CDIN1: variants seen among roughly 807,000 people sequenced by gnomAD.
CDIN1 encodes the protein CDAN1 interacting nuclease 1.
CDIN1 carries 33 observed loss-of-function variants against 45.3 expected under a neutral mutation model. The ratio of observed to expected loss-of-function variants is 0.73; its 90% CI spans 0.55 to 0.97. The LOEUF is 0.97. Among genes scored for constraint, CDIN1 ranks in the 50% least tolerant of loss-of-function variants. The pLI, the probability that CDIN1 is intolerant of heterozygous loss-of-function variation, is 0.00. For missense variants in CDIN1, 303 were observed against 339.4 expected, an observed-to-expected ratio of 0.89 and a Z score of 0.84; for synonymous variants, 118 against 124.4, an observed-to-expected ratio of 0.95 and a Z score of 0.34.
At chr15:36,667,734 T>A (rs747113834) in intron 5 of CDIN1, among the ~76,000 whole-genome samples, 2 of 152,180 alleles carry the variant, frequency 1.3e-5, no homozygotes, top group Non-Finnish European at 2.9e-5. Context: ...CTTTTGTGCT[T>A]CACCTTATAG....
At chr15:36,589,775 A>G (rs547610557) in intron 1 of CDIN1, among the ~76,000 whole-genome samples, 8 of 152,334 alleles carry the variant, frequency 5.3e-5, no homozygotes, top group African/African-American at 1.9e-4. Flanking sequence ...AAGTGCTGGG[A>G]TTACAGGCGT....
chr15:36,710,058 C>T (rs1012166141), intron 10 of CDIN1, 97 bp downstream of exon 10: 55 of 803,016 alleles, frequency 6.8e-5, no homozygotes, highest in Non-Finnish European at 9.8e-5. Flanking sequence ...TGCTAGTAGC[C>T]GTTGTTTCTA....
At chr15:36,700,934 G>T (rs922016719) in intron 8 of CDIN1, among the ~76,000 whole-genome samples, 1 of 151,872 alleles carries the variant, frequency 6.6e-6, no homozygotes, top group African/African-American at 2.4e-5. Flanking sequence ...AAATTTTGTG[G>T]TGGTAGGCAC....
chr15:36,797,743 G>A (rs1282647099), intron 10 of CDIN1, among the ~76,000 whole-genome samples: 3 of 152,202 alleles, frequency 2.0e-5, no homozygotes, highest in Admixed American at 6.5e-5. Context: ...ACTTTGGGGG[G>A]CCGAGGCGGG....
At chr15:36,774,163 T>TGCGC (rs1555407088) in intron 10 of CDIN1, among the ~76,000 whole-genome samples, 113 of 143,050 alleles carry the variant, frequency 7.9e-4, no homozygotes, top group South Asian at 1.8e-3. Context: ...TGTGTGTGTG[T>TGCGC]GCGCGCGCGC....
At chr15:36,728,820 C>T (rs1285100494) in intron 10 of CDIN1, among the ~76,000 whole-genome samples, 4 of 151,880 alleles carry the variant, frequency 2.6e-5, no homozygotes, top group Non-Finnish European at 5.9e-5. Flanking sequence ...ACTATAGACG[C>T]GTGCCACCAC....
chr15:36,659,045 C>G (rs1322508007), intron 5 of CDIN1, among the ~76,000 whole-genome samples: 2 of 152,174 alleles, frequency 1.3e-5, no homozygotes, highest in African/African-American at 4.8e-5. Context: ...GTGTTATTTT[C>G]AACTTCGCAG....
chr15:36,579,802 T>A lies in CDIN1; in HGVS notation c.-59T>A. On this transcript the variant is annotated 5_prime_UTR_variant, in exon 1 of 11. Transcript: ENST00000566621. ...ACCCCTCATCCCTCGGCACCAAGGC[T>A]ACTTGAGCCCCAGGGTGTTTTTTCC... 2 of 1,409,054 alleles carry A rather than the reference T, an allele frequency of 1.4e-6. No individual in the cohort carries two copies. The highest frequency in any genetic ancestry group is 2.0e-6 in the Non-Finnish European group (2 of 1,019,838). 87.3% of individuals were successfully genotyped at this position (1,409,054 alleles called of 1,614,324 possible).
chr15:36,746,602 AAAAC>A (rs1214194368), intron 10 of CDIN1, among the ~76,000 whole-genome samples: 4 of 151,730 alleles, frequency 2.6e-5, no homozygotes, highest in African/African-American at 4.8e-5. Flanking sequence ...TTCAAAAACA[AAAAC>A]AAAACAAAAC....
chr15:36,709,524 C>T (rs542640207), intron 9 of CDIN1, among the ~76,000 whole-genome samples: 16 of 152,198 alleles, frequency 1.1e-4, no homozygotes, highest in African/African-American at 3.6e-4. Flanking sequence ...CAACTTATTT[C>T]TCTAAATTTC....
At chr15:36,668,872 A>C (rs1003979655) in intron 5 of CDIN1, 6 of 152,094 alleles carry the variant, frequency 3.9e-5, no homozygotes, top group African/African-American at 1.4e-4. Context: ...AAACAGATTA[A>C]AGATGATTTT....
At chr15:36,681,506 G>A (rs1346452540) in intron 5 of CDIN1, among the ~76,000 whole-genome samples, 1 of 152,104 alleles carries the variant, frequency 6.6e-6, no homozygotes, top group Non-Finnish European at 1.5e-5. Flanking sequence ...AAGCTGTAAT[G>A]ACTCAGAATT....
chr15:36,647,839 ATTT>A (rs11288490), intron 3 of CDIN1, among the ~76,000 whole-genome samples: 17 of 100,424 alleles, frequency 1.7e-4, no homozygotes, highest in Non-Finnish European at 1.3e-4. Flanking sequence ...TTGTGATAGT[ATTT>A]TTTTTTTTTT....
chr15:36,600,856 G>A (rs2038062842), intron 1 of CDIN1, among the ~76,000 whole-genome samples: 1 of 152,036 alleles, frequency 6.6e-6, no homozygotes, highest in Admixed American at 6.5e-5. Flanking sequence ...CAAAAGAAAT[G>A]GATCCTAGAT....
intron 10 of CDIN1, among the ~76,000 whole-genome samples, chr15:36,800,856 CATATGTGTGTGTGTGTGTAT>C (rs1172565262): frequency 1.2e-3 from 114 of 95,670 alleles, no homozygotes; most frequent in Non-Finnish European, 1.9e-3. Context: ...TATGATTATA[CATATGTGTGTGTGTGTGTAT>C]ATATGTGTGT....
At position 36,799,565 on chromosome 15, in the gene CDIN1, T is replaced by C. The variant is rs529602094; in HGVS notation, c.717-8759T>C. On this transcript the variant is annotated intron_variant, in intron 10 of 10. Coordinates refer to ENST00000566621, the MANE Select transcript of CDIN1 (RefSeq NM_001321759.2). The stretch of plus-strand genomic sequence containing the variant: ...GAATAAATACAACATAGTTAAATAG[T>C]TGCCTTTTCCAGGAAGACTTCTAGA... 12 of 152,240 alleles carry C rather than the reference T, an allele frequency of 7.9e-5. No individual in the cohort carries two copies. The East Asian group carries it at 2.3e-3, about 29-fold the overall frequency. 9.4% of individuals were successfully genotyped at this position (152,240 alleles called of 1,614,324 possible).
intron 9 of CDIN1, 159 bp from the exon 10 acceptor site, chr15:36,709,697 T>A: frequency 1.9e-6 from 1 of 536,698 alleles, no homozygotes; most frequent in Non-Finnish European, 3.3e-6. Flanking sequence ...TTCTTTGTAA[T>A]GAACATATAC....
At chr15:36,695,067 G>C (rs780130661) in intron 7 of CDIN1, among the ~76,000 whole-genome samples, 4 of 152,184 alleles carry the variant, frequency 2.6e-5, no homozygotes, top group Non-Finnish European at 4.4e-5. Context: ...TGGAAGGCAA[G>C]GGACAACTGG....
intron 1 of CDIN1, among the ~76,000 whole-genome samples, chr15:36,636,544 T>C (rs2039905448): frequency 6.6e-6 from 1 of 151,622 alleles, no homozygotes; most frequent in Non-Finnish European, 1.5e-5. Flanking sequence ...AGAGCAAGAC[T>C]CCATCTCAAA....
Sources: gnomAD v4.1 joint callset for allele counts (sites outside exome capture counted in the v4.1 genomes callset) on GRCh38, gnomAD v4.1.1 for gene constraint, MANE v1.5 for transcripts, NCBI Gene and HGNC (gene_info 2026-07-23, HGNC 2026-07-21) for gene names.